The following ADAMTSL1 variants were observed in gnomAD, a reference collection of about 807,000 sequenced individuals.
The protein encoded by ADAMTSL1 is ADAMTS-like protein 1.
In ADAMTSL1, 126 loss-of-function variants were observed where a neutral mutation model predicts 201.8. The ratio of observed to expected loss-of-function variants is 0.62; its 90% CI spans 0.54 to 0.72. The LOEUF is 0.72. ADAMTSL1 is among the 30% of genes least tolerant of loss of function. The pLI is 0.00. For missense variants in ADAMTSL1, 2,679 were observed against 2,277.8 expected (o/e 1.18, Z -3.59); for synonymous variants, 1,121 against 903.4 (o/e 1.24, Z -4.32).
At chr9:18,876,329 T>TGTGTGTGTGTGC (rs901063156) in intron 23 of ADAMTSL1, among the ~76,000 whole-genome samples, 91 of 151,244 alleles carry the variant, frequency 6.0e-4, no homozygotes, top group African/African-American at 2.1e-3. Flanking sequence ...TGTGTGTGTG[T>TGTGTGTGTGTGC]GCGTGATTGT....
intron 3 of ADAMTSL1, among the ~76,000 whole-genome samples, chr9:18,543,771 G>T (rs1247913559): frequency 6.6e-6 from 1 of 152,178 alleles, no homozygotes. Flanking sequence ...TCCCTGCAGT[G>T]CTTGCTGCCA....
chr9:17,931,105 A>T (rs559546696), intron 1 of ADAMTSL1, among the ~76,000 whole-genome samples: 1 of 152,280 alleles, frequency 6.6e-6, no homozygotes, highest in Admixed American at 6.5e-5. Context: ...AGAAAAAAAG[A>T]CCTATTGCAT....
chr9:18,238,910 G>A (rs544312888), intron 2 of ADAMTSL1, among the ~76,000 whole-genome samples: 1 of 152,258 alleles, frequency 6.6e-6, no homozygotes, highest in East Asian at 1.9e-4. Context: ...TGCAGGTTCT[G>A]TTCCAGACCA....
chr9:18,269,012 G>T (rs62548565), intron 2 of ADAMTSL1, among the ~76,000 whole-genome samples: 25,535 of 151,864 alleles, frequency 0.17, 2,908 homozygotes, highest in Admixed American at 0.38. Flanking sequence ...TTATAGTTTT[G>T]AAGTTCTATA....
chr9:18,286,340 TATTAACTTA>T (rs1425880227), intron 2 of ADAMTSL1, among the ~76,000 whole-genome samples: 6 of 152,204 alleles, frequency 3.9e-5, no homozygotes, highest in African/African-American at 1.4e-4. Context: ...AGTGAATATG[TATTAACTTA>T]TTTAACTTCC....
At chr9:17,969,272 G>A (rs1342633042) in intron 1 of ADAMTSL1, among the ~76,000 whole-genome samples, 2 of 151,996 alleles carry the variant, frequency 1.3e-5, no homozygotes, top group African/African-American at 4.8e-5. Context: ...AAGAAGATGT[G>A]ATATTAGAGA....
chr9:18,115,452 A>G (rs1825210708), intron 1 of ADAMTSL1, among the ~76,000 whole-genome samples: 1 of 152,158 alleles, frequency 6.6e-6, no homozygotes, highest in East Asian at 1.9e-4. Context: ...AAAAATATTT[A>G]ACGGCTGCCA....
chr9:17,943,657 G>C (rs1038608821), intron 1 of ADAMTSL1, among the ~76,000 whole-genome samples: 2 of 151,858 alleles, frequency 1.3e-5, no homozygotes, highest in Non-Finnish European at 2.9e-5. Context: ...CCTTTCCCTG[G>C]AGCCCTTCCT....
chr9:18,372,975 A>T (rs1586999756), intron 2 of ADAMTSL1, among the ~76,000 whole-genome samples: 1 of 152,220 alleles, frequency 6.6e-6, no homozygotes, highest in Non-Finnish European at 1.5e-5. Flanking sequence ...TGGGCATATT[A>T]TAACTCCTAA....
intron 3 of ADAMTSL1, among the ~76,000 whole-genome samples, chr9:18,564,080 A>G (rs1327873885): frequency 6.6e-6 from 1 of 152,156 alleles, no homozygotes; most frequent in Admixed American, 6.5e-5. Flanking sequence ...TCCTGCAGCT[A>G]GCTTGGTGTC....
chr9:18,768,307 G>A (rs1820480347), intron 16 of ADAMTSL1, among the ~76,000 whole-genome samples: 1 of 152,204 alleles, frequency 6.6e-6, no homozygotes, highest in Admixed American at 6.5e-5. Flanking sequence ...CAACCACGGA[G>A]GAGAGAAGCT....
At chr9:18,066,962 G>A (rs1308252153) in intron 1 of ADAMTSL1, among the ~76,000 whole-genome samples, 1 of 152,094 alleles carries the variant, frequency 6.6e-6, no homozygotes, top group Non-Finnish European at 1.5e-5. Context: ...ACAGGAAGGG[G>A]AACATCACAC....
At position 18,215,617 on chromosome 9, in the gene ADAMTSL1, G is replaced by T. The variant is rs535891910; in HGVS notation, c.207+51636G>T. On this transcript the variant is annotated intron_variant, in intron 2 of 29. Coordinates refer to the ADAMTSL1 transcript ENST00000680146. Reference sequence around the variant, plus strand: ...ATTTTGTTGTCATAGAGGTATATTTGTCAAGATGGGAAGGTAGACTATTTT... The same window carrying T: ...ATTTTGTTGTCATAGAGGTATATTTTTCAAGATGGGAAGGTAGACTATTTT... Among the ~76,000 whole-genome samples the T allele has an allele frequency of 4.6e-5, 7 of 152,256 alleles. No individual in the cohort carries two copies. In the South Asian group the frequency reaches 1.5e-3, roughly 32 times the overall value.
chr9:18,718,382 C>T (rs545786), intron 14 of ADAMTSL1: 714,858 of 715,632 alleles, frequency 1, 357,046 homozygotes, highest in Middle Eastern at 1. Context: ...GCATACACTG[C>T]TGTGCATCTA....
chr9:18,115,139 C>T (rs1405208047), intron 1 of ADAMTSL1, among the ~76,000 whole-genome samples: 8 of 152,106 alleles, frequency 5.3e-5, no homozygotes, highest in African/African-American at 1.9e-4. Flanking sequence ...AGACAGATTT[C>T]CATCAATTCA....
At chr9:18,877,874 G>A (rs190618351) in intron 23 of ADAMTSL1, among the ~76,000 whole-genome samples, 15 of 152,266 alleles carry the variant, frequency 9.9e-5, no homozygotes, top group Middle Eastern at 3.4e-3. Context: ...TACCAGGGCC[G>A]GTAGAGAAAG....
intron 1 of ADAMTSL1, among the ~76,000 whole-genome samples, chr9:18,154,075 TG>T (rs1471880416): frequency 3.9e-5 from 6 of 152,064 alleles, no homozygotes; most frequent in Non-Finnish European, 8.8e-5. Flanking sequence ...GCACCTATCA[TG>T]ATCTTAAAAT....
At chr9:18,514,667 C>T (rs1171826015) in intron 2 of ADAMTSL1, among the ~76,000 whole-genome samples, 1 of 152,148 alleles carries the variant, frequency 6.6e-6, no homozygotes, top group African/African-American at 2.4e-5. Context: ...CTCAGTTTTA[C>T]TCAATTTGTT....
At chr9:18,000,264 CTGT>C (rs1260929454) in intron 1 of ADAMTSL1, among the ~76,000 whole-genome samples, 1 of 150,322 alleles carries the variant, frequency 6.7e-6, no homozygotes, top group Admixed American at 6.6e-5. Context: ...TCTCCAGCAC[CTGT>C]TGTTTCCTGA....
Sources: gnomAD v4.1 joint callset for allele counts (sites outside exome capture counted in the v4.1 genomes callset) on GRCh38, gnomAD v4.1.1 for gene constraint, MANE v1.5 for transcripts, NCBI Gene and HGNC (gene_info 2026-07-23, HGNC 2026-07-21) for gene names.